Variants in BRINP3 observed in about 807,000 individuals in gnomAD.
BRINP3 encodes BMP/retinoic acid-inducible neural-specific protein 3.
Under a neutral mutation model 71.0 loss-of-function variants are expected in BRINP3, and 19 were observed. The ratio of observed to expected loss-of-function variants is 0.27; its 90% CI spans 0.19 to 0.39. BRINP3 has a LOEUF of 0.39. Ranked by LOEUF, BRINP3 falls within the 10% of genes least tolerant of loss-of-function variation. The pLI is 1.00. For missense variants in BRINP3, 959 were observed against 940.8 expected (o/e 1.02, Z -0.25); for synonymous variants, 380 against 337.7 (o/e 1.13, Z -1.37).
chr1:190,292,233 T>C (rs1204466197), intron 2 of BRINP3, among the ~76,000 whole-genome samples: 6 of 152,152 alleles, frequency 3.9e-5, no homozygotes, highest in Admixed American at 3.9e-4. Context: ...TTGTAGAGCA[T>C]GGCAATTATA....
chr1:190,380,167 T>C (rs77239698), intron 2 of BRINP3, among the ~76,000 whole-genome samples: 11 of 152,128 alleles, frequency 7.2e-5, no homozygotes, highest in African/African-American at 2.4e-4. Context: ...AATATGATGA[T>C]ATCTTAAACT....
intron 2 of BRINP3, among the ~76,000 whole-genome samples, chr1:190,437,259 T>G (rs1212893538): frequency 1.3e-5 from 2 of 151,810 alleles, no homozygotes; most frequent in Non-Finnish European, 3.0e-5. Context: ...TTTAACTTTT[T>G]GGGCTTTTCT....
At chr1:190,110,191 A>T (rs1294184594) in intron 7 of BRINP3, among the ~76,000 whole-genome samples, 1 of 152,212 alleles carries the variant, frequency 6.6e-6, no homozygotes, top group Non-Finnish European at 1.5e-5. Flanking sequence ...GTCTCCAGTT[A>T]TAAGTAGGGA....
intron 7 of BRINP3, among the ~76,000 whole-genome samples, chr1:190,135,194 C>T (rs1654872726): frequency 6.6e-6 from 1 of 151,956 alleles, no homozygotes; most frequent in Non-Finnish European, 1.5e-5. Flanking sequence ...TTTCAAGATG[C>T]TGTTAAAAAT....
At chr1:190,364,771 G>A (rs1044852304) in intron 2 of BRINP3, among the ~76,000 whole-genome samples, 3 of 152,000 alleles carry the variant, frequency 2.0e-5, no homozygotes, top group Non-Finnish European at 2.9e-5. Context: ...TTGCAAAACT[G>A]TCTTTGCTAA....
At chr1:190,412,338 A>G (rs1307321592) in intron 2 of BRINP3, among the ~76,000 whole-genome samples, 2 of 150,048 alleles carry the variant, frequency 1.3e-5, no homozygotes, top group Non-Finnish European at 3.0e-5. Context: ...AAAATCATAT[A>G]CTGTAAATAA....
chr1:190,215,241 AATCAGAGAGTAATTCTGGAT>A (rs545125523), intron 6 of BRINP3, among the ~76,000 whole-genome samples: 320 of 151,960 alleles, frequency 2.1e-3, no homozygotes, highest in African/African-American at 7.4e-3. Flanking sequence ...GTCTTACATT[AATCAGAGAGTAATTCTGGAT>A]ATCAATATAA....
At chr1:190,121,391 T>TACATAGTGA (rs1653641691) in intron 7 of BRINP3, among the ~76,000 whole-genome samples, 1 of 152,078 alleles carries the variant, frequency 6.6e-6, no homozygotes, top group Admixed American at 6.6e-5. Context: ...AATTGTACAA[T>TACATAGTGA]TAAGAAAAAC....
intron 2 of BRINP3, among the ~76,000 whole-genome samples, chr1:190,368,643 T>G (rs1669660448): frequency 6.6e-6 from 1 of 152,056 alleles, no homozygotes; most frequent in South Asian, 2.1e-4. Flanking sequence ...CAAACAAGTT[T>G]ATTGAGGGTC....
chr1:190,375,974 A>T (rs1002589480), intron 2 of BRINP3, among the ~76,000 whole-genome samples: 1 of 151,996 alleles, frequency 6.6e-6, no homozygotes, highest in African/African-American at 2.4e-5. Context: ...ATCATCAGGC[A>T]TATATATTAT....
chr1:190,136,634 T>C (rs770159480), intron 7 of BRINP3, among the ~76,000 whole-genome samples: 4 of 152,168 alleles, frequency 2.6e-5, no homozygotes, highest in Admixed American at 6.6e-5. Flanking sequence ...AATTTTAACA[T>C]ACGCAAACAT....
intron 1 of BRINP3, among the ~76,000 whole-genome samples, chr1:190,470,262 G>A (rs1397360322): frequency 6.6e-6 from 1 of 150,944 alleles, no homozygotes; most frequent in East Asian, 1.9e-4. Flanking sequence ...CTATCTATAA[G>A]TATTCTTTCA....
At chr1:190,261,567 A>T (rs1467681776) in intron 4 of BRINP3, among the ~76,000 whole-genome samples, 2 of 152,136 alleles carry the variant, frequency 1.3e-5, no homozygotes, top group African/African-American at 4.8e-5. Flanking sequence ...AATTAGCGTG[A>T]TAAAAGCTGG....
At position 190,253,238 on chromosome 1, in the gene BRINP3, G is replaced by A. The variant is rs372970894; in HGVS notation, c.618+11627C>T. Among the ~76,000 whole-genome samples, 5 of 151,860 alleles carry A rather than the reference G, an allele frequency of 3.3e-5. No individual in the cohort carries two copies. In the South Asian group the frequency reaches 6.2e-4, roughly 19 times the overall value. On this transcript the variant is annotated intron_variant, in intron 4 of 7. Coordinates refer to ENST00000367462, the MANE Select transcript of BRINP3 (RefSeq NM_199051.3). ...TTGTGAATAGGGCCTCAATAAACAC[G>A]TGTGGATGTGTCTTATATTAGCATG...
In BRINP3 at chr1:190,447,603, G is replaced by GCT. The variant is rs377608154; in HGVS notation, c.236+7050_236+7051dup. Reference sequence around the variant, plus strand: ...TTTGCAGTCTCTCTTTCTCCCTATAGCTCTCTCTCTCTCTCTCTCTATATA... The same window carrying GCT: ...TTTGCAGTCTCTCTTTCTCCCTATAGCTCTCTCTCTCTCTCTCTCTCTATATA... On this transcript the variant is annotated intron_variant, in intron 2 of 7. Transcript: ENST00000367462. 3.6e-3 allele frequency among the ~76,000 whole-genome samples: 529 copies of GCT among 146,982 alleles called. 2 individuals carry two copies. Among genetic ancestry groups the GCT allele is most frequent in the African/African-American group, 0.011 (454 of 40,374 alleles).
chr1:190,433,600 C>G (rs1674251512), intron 2 of BRINP3, among the ~76,000 whole-genome samples: 1 of 152,070 alleles, frequency 6.6e-6, no homozygotes, highest in African/African-American at 2.4e-5. Context: ...CATTTCTATT[C>G]CTATTACTTC....
At chr1:190,141,885 A>G (rs1486625155) in intron 7 of BRINP3, among the ~76,000 whole-genome samples, 4 of 152,222 alleles carry the variant, frequency 2.6e-5, no homozygotes, top group African/African-American at 9.6e-5. Flanking sequence ...TCCTATATGT[A>G]AAATAAAATA....
At chr1:190,253,315 G>T (rs1263105473) in intron 4 of BRINP3, among the ~76,000 whole-genome samples, 1 of 152,118 alleles carries the variant, frequency 6.6e-6, no homozygotes, top group Non-Finnish European at 1.5e-5. Context: ...GGCTCAAATG[G>T]TATTTCTAGT....
At chr1:190,445,351 ATAT>A (rs1346882483) in intron 2 of BRINP3, among the ~76,000 whole-genome samples, 3 of 152,164 alleles carry the variant, frequency 2.0e-5, no homozygotes, top group Non-Finnish European at 2.9e-5. Context: ...GAAAGAGATA[ATAT>A]TATAACTTAA....
Sources: allele counts gnomAD v4.1 joint callset (sites outside exome capture counted in the v4.1 genomes callset), GRCh38; gene constraint gnomAD v4.1.1; transcripts MANE v1.5; gene names NCBI Gene and HGNC (gene_info 2026-07-23, HGNC 2026-07-21).